The following NTRK2 variants were observed in gnomAD, a reference collection of about 807,000 sequenced individuals.
NTRK2 encodes BDNF/NT-3 growth factors receptor.
In NTRK2, 13 loss-of-function variants were observed where a neutral mutation model predicts 94.5. The observed-to-expected ratio is 0.14, with a 90% CI of 0.09 to 0.22. The LOEUF (loss-of-function observed/expected upper bound fraction) is 0.22, where lower values mean the gene tolerates loss of function less well. Among genes scored for constraint, NTRK2 ranks in the 10% least tolerant of loss-of-function variants. NTRK2 has a pLI of 1.00. For missense variants in NTRK2, 639 were observed against 1,071.2 expected, an observed-to-expected ratio of 0.60 and a Z score of 5.63; for synonymous variants, 372 against 407.4, an observed-to-expected ratio of 0.91 and a Z score of 1.05.
At chr9:84,781,704 G>A (rs985178341) in intron 12 of NTRK2, among the ~76,000 whole-genome samples, 1 of 152,116 alleles carries the variant, frequency 6.6e-6, no homozygotes, top group Non-Finnish European at 1.5e-5. Context: ...GTGTAATGAT[G>A]GAACAATGTA....
intron 9 of NTRK2, among the ~76,000 whole-genome samples, chr9:84,736,184 AGTG>A (rs2063249526): frequency 6.6e-6 from 1 of 152,222 alleles, no homozygotes; most frequent in South Asian, 2.1e-4. Context: ...GTACATAAAG[AGTG>A]TCTGTATGGC....
intron 12 of NTRK2, among the ~76,000 whole-genome samples, chr9:84,822,007 G>A (rs1346654880): frequency 6.6e-6 from 1 of 152,192 alleles, no homozygotes; most frequent in Non-Finnish European, 1.5e-5. Context: ...GTGACAACCT[G>A]TGTTTGTCAT....
Position 84,674,429 on chromosome 9 carries a change from G to A in NTRK2, c.212+3469G>A, listed in dbSNP as rs112815715. On this transcript the variant is annotated intron_variant, in intron 2 of 18. Coordinates refer to ENST00000277120, the MANE Select transcript of NTRK2 (RefSeq NM_006180.6). ...GTTGTGTCATTAATACATTGATTTT[G>A]GCCCTCTTACTTTAATAAGCTTTGC... is the stretch of plus-strand genomic sequence containing the variant. 1.2e-3 allele frequency among the ~76,000 whole-genome samples: 177 copies of A among 152,036 alleles called. 1 individual carries two copies. The highest frequency in any genetic ancestry group is 3.9e-3 in the African/African-American group (161 of 41,478).
At chr9:84,746,920 T>C (rs965945214) in intron 11 of NTRK2, among the ~76,000 whole-genome samples, 13 of 152,340 alleles carry the variant, frequency 8.5e-5, no homozygotes, top group Non-Finnish European at 1.3e-4. Flanking sequence ...AGACTCTTAG[T>C]AGGGGCAACG....
At chr9:85,011,500 A>T (rs1831567876) in intron 17 of NTRK2, among the ~76,000 whole-genome samples, 1 of 152,142 alleles carries the variant, frequency 6.6e-6, no homozygotes, top group Admixed American at 6.5e-5. Flanking sequence ...CGGATCCGAT[A>T]AGATTAGTGT....
intron 12 of NTRK2, among the ~76,000 whole-genome samples, chr9:84,827,726 G>A (rs1261791334): frequency 6.6e-6 from 1 of 151,714 alleles, no homozygotes; most frequent in African/African-American, 2.4e-5. Context: ...TGACTTCATT[G>A]CAAGCTGCCA....
chr9:84,823,894 T>C (rs2073016580), intron 12 of NTRK2, among the ~76,000 whole-genome samples: 1 of 152,186 alleles, frequency 6.6e-6, no homozygotes, highest in African/African-American at 2.4e-5. Context: ...CCTGAGTAGA[T>C]ACTTGTCTTA....
intron 15 of NTRK2, among the ~76,000 whole-genome samples, chr9:84,936,308 C>T (rs1297787049): frequency 6.6e-6 from 1 of 152,190 alleles, no homozygotes; most frequent in Non-Finnish European, 1.5e-5. Context: ...CCAGGGCACC[C>T]TCAGCTTATG....
intron 12 of NTRK2, among the ~76,000 whole-genome samples, chr9:84,839,615 T>G (rs1000115272): frequency 2.0e-5 from 3 of 152,198 alleles, no homozygotes; most frequent in Non-Finnish European, 4.4e-5. Context: ...ACAGGCCATG[T>G]GCTGAATCGG....
chr9:84,742,199 A>T (rs767897941), intron 10 of NTRK2, among the ~76,000 whole-genome samples: 1 of 152,204 alleles, frequency 6.6e-6, no homozygotes, highest in Non-Finnish European at 1.5e-5. Flanking sequence ...TATTTCCTTA[A>T]TTGGGAACTA....
At chr9:84,721,085 A>G (rs2062029445) in intron 6 of NTRK2, among the ~76,000 whole-genome samples, 1 of 152,198 alleles carries the variant, frequency 6.6e-6, no homozygotes, top group African/African-American at 2.4e-5. Context: ...CCTGTAATTA[A>G]TACCATTTTA....
At position 84,734,236 on chromosome 9, in the gene NTRK2, C is replaced by T. The variant is rs182780760; in HGVS notation, c.1159+6277C>T. ...GCTGAGCATATCTGAAGTGCCGATGCAGTGCCTGACACATGATAGGCAGGT... is the reference window on the plus strand; with the variant it reads ...GCTGAGCATATCTGAAGTGCCGATGTAGTGCCTGACACATGATAGGCAGGT... On this transcript the variant is annotated intron_variant, in intron 9 of 18. Transcript: ENST00000277120. Among the ~76,000 whole-genome samples, 18 of 152,328 alleles carry T rather than the reference C, an allele frequency of 1.2e-4. 1 individual carries two copies. The highest frequency in any genetic ancestry group is 8.5e-4 in the Admixed American group (13 of 15,310).
rs2071168717 is a variant in NTRK2 at position 84,806,776 on chromosome 9, GC to G, written c.1397-54263del. On this transcript the variant is annotated intron_variant, in intron 12 of 18. Coordinates refer to ENST00000277120, the MANE Select transcript of NTRK2 (RefSeq NM_006180.6). ...TGTTTAAGCCCAGATGCTGAACAAA[GC>G]ACAACTGTACCTTGCTCACATCTCA... Among the ~76,000 whole-genome samples, 3 of 152,204 alleles carry G rather than the reference GC, an allele frequency of 2.0e-5. No homozygotes were observed. The South Asian group carries it at 6.2e-4, about 31-fold the overall frequency.
At chr9:84,703,535 C>CT (rs1415048034) in intron 4 of NTRK2, among the ~76,000 whole-genome samples, 3 of 151,436 alleles carry the variant, frequency 2.0e-5, no homozygotes, top group African/African-American at 4.8e-5. Context: ...CGTCCTCTTT[C>CT]TTTTTTTTTG....
At chr9:84,681,189 C>A (rs1051880444) in intron 2 of NTRK2, among the ~76,000 whole-genome samples, 1 of 152,134 alleles carries the variant, frequency 6.6e-6, no homozygotes, top group Non-Finnish European at 1.5e-5. Flanking sequence ...CTCATGTGTG[C>A]AATACCCCTC....
intron 17 of NTRK2, among the ~76,000 whole-genome samples, chr9:84,966,357 T>C (rs1360885819): frequency 2.0e-5 from 3 of 152,168 alleles, no homozygotes; most frequent in Non-Finnish European, 4.4e-5. Flanking sequence ...AGCGATGAGA[T>C]TTGGGAATTT....
chr9:84,880,903 A>C (rs1312317177), intron 14 of NTRK2, among the ~76,000 whole-genome samples: 1 of 152,248 alleles, frequency 6.6e-6, no homozygotes, highest in African/African-American at 2.4e-5. Flanking sequence ...TGAATTATTC[A>C]AATGTAGTTC....
chr9:84,871,714 A>T, intron 14 of NTRK2: 1 of 1,250,280 alleles, frequency 8.0e-7, no homozygotes, highest in Non-Finnish European at 1.2e-6. Context: ...GGTTTGCAGG[A>T]TTGTAGAGCA....
chr9:84,736,504 G>A (rs144626499), intron 9 of NTRK2, among the ~76,000 whole-genome samples: 2 of 152,212 alleles, frequency 1.3e-5, no homozygotes, highest in East Asian at 3.9e-4. Context: ...CAAATGTTAT[G>A]CATTAAATAA....
Sources: allele counts gnomAD v4.1 joint callset (sites outside exome capture counted in the v4.1 genomes callset), GRCh38; gene constraint gnomAD v4.1.1; transcripts MANE v1.5; gene names NCBI Gene and HGNC (gene_info 2026-07-23, HGNC 2026-07-21).